The following ADGRL3 variants were observed in gnomAD, a reference collection of about 807,000 sequenced individuals.
ADGRL3 encodes the protein adhesion G protein-coupled receptor L3.
In ADGRL3, 62 loss-of-function variants were observed where a neutral mutation model predicts 153.5. That is an observed-to-expected ratio of 0.40 (90% CI 0.33 to 0.50). The LOEUF is 0.50. ADGRL3 is among the 20% of genes least tolerant of loss of function. The probability of loss-of-function intolerance (pLI) is 0.47; values close to 1 mark genes in which losing one functional copy is unlikely to be tolerated. For synonymous variants in ADGRL3, 710 were observed against 672.5 expected (o/e 1.06, Z -0.86); for missense variants, 1,641 against 1,859.4 (o/e 0.88, Z 2.16).
intron 25 of ADGRL3, 52 bp from the exon 26 acceptor site, chr4:62,068,114 C>T (rs1743978352): frequency 1.5e-6 from 2 of 1,297,862 alleles, no homozygotes; most frequent in South Asian, 2.7e-5. Context: ...TCTACTGTCG[C>T]TGTAAGCTTA....
chr4:61,591,419 C>A (rs1437238398), intron 5 of ADGRL3, among the ~76,000 whole-genome samples: 1 of 152,112 alleles, frequency 6.6e-6, no homozygotes, highest in Non-Finnish European at 1.5e-5. Flanking sequence ...CCAACCTGTG[C>A]AGTGTCCAAT....
chr4:61,261,990 G>A (rs1257253045), intron 1 of ADGRL3, among the ~76,000 whole-genome samples: 1 of 112,230 alleles, frequency 8.9e-6, no homozygotes, highest in Admixed American at 9.1e-5. Flanking sequence ...GTTTGGGAAC[G>A]ACGAGATTGA....
intron 8 of ADGRL3, among the ~76,000 whole-genome samples, chr4:61,795,212 C>A (rs1561264430): frequency 6.6e-6 from 1 of 152,158 alleles, no homozygotes; most frequent in East Asian, 1.9e-4. Flanking sequence ...ACTGCAACCT[C>A]GAACTTCTAG....
At chr4:61,438,550 A>G (rs908280795) in intron 2 of ADGRL3, among the ~76,000 whole-genome samples, 3 of 151,776 alleles carry the variant, frequency 2.0e-5, no homozygotes, top group African/African-American at 7.3e-5. Flanking sequence ...CTATATATTT[A>G]ACTCCCATAG....
chr4:61,599,102 G>C (rs989748297), intron 5 of ADGRL3, among the ~76,000 whole-genome samples: 1 of 152,150 alleles, frequency 6.6e-6, no homozygotes, highest in African/African-American at 2.4e-5. Flanking sequence ...AAAGATACAG[G>C]ATAAATTGTT....
chr4:61,910,959 A>T (rs1287640717), intron 12 of ADGRL3, among the ~76,000 whole-genome samples: 1 of 146,008 alleles, frequency 6.8e-6, no homozygotes, highest in Admixed American at 6.7e-5. Flanking sequence ...GATATAAATT[A>T]TTATTATTAT....
intron 2 of ADGRL3, among the ~76,000 whole-genome samples, chr4:61,451,345 T>C (rs529386164): frequency 6.5e-4 from 99 of 152,070 alleles, no homozygotes; most frequent in Admixed American, 2.6e-3. Flanking sequence ...AACATTTTAA[T>C]GAAAAAAGGG....
Position 62,033,586 on chromosome 4 carries a change from GAAGA to G in ADGRL3, c.3591+1980_3591+1983del, listed in dbSNP as rs1214733906. Among the ~76,000 whole-genome samples, 4 of 151,780 alleles carry G rather than the reference GAAGA, an allele frequency of 2.6e-5. No homozygotes were observed. In the East Asian group the frequency reaches 5.8e-4, roughly 22 times the overall value. Reference sequence around the variant, plus strand: ...TGAGGAAGATGTCTAGATTTGGATAGAAGAAAGCCATAACTGATGCTCAAGAGAA... The same window carrying G: ...TGAGGAAGATGTCTAGATTTGGATAGAAGCCATAACTGATGCTCAAGAGAA... On this transcript the variant is annotated intron_variant, in intron 23 of 26. Coordinates refer to ENST00000683033, the MANE Select transcript of ADGRL3 (RefSeq NM_001387552.1).
intron 21 of ADGRL3, among the ~76,000 whole-genome samples, chr4:62,017,148 TTATCTC>T (rs936157871): frequency 1.4e-4 from 22 of 152,214 alleles, no homozygotes; most frequent in African/African-American, 5.3e-4. Flanking sequence ...AAGTTAAAAA[TTATCTC>T]TATACTTCTA....
intron 2 of ADGRL3, among the ~76,000 whole-genome samples, chr4:61,442,815 C>CCCCAG (rs1309174527): frequency 2.6e-5 from 4 of 152,020 alleles, no homozygotes; most frequent in Non-Finnish European, 5.9e-5. Flanking sequence ...ATAATTTATA[C>CCCCAG]TTTAAAAACC....
intron 4 of ADGRL3, among the ~76,000 whole-genome samples, chr4:61,578,642 T>C (rs1173522455): frequency 6.6e-6 from 1 of 152,070 alleles, no homozygotes; most frequent in Admixed American, 6.6e-5. Flanking sequence ...ACCTCCCTTG[T>C]AAATGCACAT....
At chr4:61,973,875 A>T (rs1234851209) in intron 17 of ADGRL3, among the ~76,000 whole-genome samples, 1 of 152,212 alleles carries the variant, frequency 6.6e-6, no homozygotes, top group Non-Finnish European at 1.5e-5. Flanking sequence ...TTTAAAAGTC[A>T]TAAGTGCAAT....
intron 1 of ADGRL3, among the ~76,000 whole-genome samples, chr4:61,368,793 G>T (rs573616147): frequency 6.6e-6 from 1 of 152,226 alleles, no homozygotes. Flanking sequence ...GAGGGGGATG[G>T]CATTGAATCT....
chr4:61,994,590 C>A (rs1297178145), intron 19 of ADGRL3, among the ~76,000 whole-genome samples: 2 of 151,882 alleles, frequency 1.3e-5, no homozygotes, highest in Non-Finnish European at 2.9e-5. Flanking sequence ...TAATAAACAT[C>A]ATTGCCTCCA....
chr4:61,767,831 G>A (rs2097017782), intron 8 of ADGRL3, among the ~76,000 whole-genome samples: 1 of 152,144 alleles, frequency 6.6e-6, no homozygotes, highest in Non-Finnish European at 1.5e-5. Flanking sequence ...GTGTGCTGGA[G>A]ATGTGGCTGA....
chr4:61,201,382 AGTT>A lies in ADGRL3; in HGVS notation c.-620_-618del, dbSNP rs1015983165. 2 of 152,736 alleles carry A rather than the reference AGTT, an allele frequency of 1.3e-5. No individual in the cohort carries two copies. Among genetic ancestry groups the A allele is most frequent in the African/African-American group, 4.8e-5 (2 of 41,526 alleles). 9.5% of individuals were successfully genotyped at this position (152,736 alleles called of 1,614,324 possible). The stretch of plus-strand genomic sequence containing the variant: ...TGCTGGAGACAGAGCCTGACTCCGA[AGTT>A]GTGCAACTGTGGACTGGGAGAGACA... On this transcript the variant is annotated 5_prime_UTR_variant, in exon 1 of 27. Transcript: ENST00000683033.
intron 22 of ADGRL3, among the ~76,000 whole-genome samples, chr4:62,030,275 CA>C (rs1234974144): frequency 2.6e-5 from 4 of 151,594 alleles, no homozygotes. Context: ...CTTCATTTTA[CA>C]AAGTTTCCAT....
intron 1 of ADGRL3, among the ~76,000 whole-genome samples, chr4:61,218,162 A>T (rs1743736245): frequency 6.6e-6 from 1 of 152,200 alleles, no homozygotes; most frequent in Non-Finnish European, 1.5e-5. Context: ...TTTGTTTAAG[A>T]GTCTTTGGGC....
chr4:61,343,429 C>A (rs748505423), intron 1 of ADGRL3, among the ~76,000 whole-genome samples: 1 of 152,080 alleles, frequency 6.6e-6, no homozygotes, highest in African/African-American at 2.4e-5. Flanking sequence ...TGCTTTTTAT[C>A]CCTCAATCAC....
Sources: gnomAD v4.1 joint callset for allele counts (sites outside exome capture counted in the v4.1 genomes callset) on GRCh38, gnomAD v4.1.1 for gene constraint, MANE v1.5 for transcripts, NCBI Gene and HGNC (gene_info 2026-07-23, HGNC 2026-07-21) for gene names.